Variants in DLG2 observed in about 807,000 individuals in gnomAD.
DLG2 encodes disks large homolog 2.
A neutral mutation model predicts 132.5 loss-of-function variants in DLG2; 45 were observed. The ratio of observed to expected loss-of-function variants is 0.34; its 90% confidence interval spans 0.27 to 0.44. DLG2 has a LOEUF of 0.44. Ranked by LOEUF, DLG2 falls within the 20% of genes least tolerant of loss-of-function variation. DLG2 has a pLI of 1.00. For synonymous variants in DLG2, 424 were observed against 419.6 expected (o/e 1.01, Z -0.13); for missense variants, 1,045 against 1,196.9 (o/e 0.87, Z 1.87).
chr11:84,030,633 T>A (rs1478305803), intron 11 of DLG2, among the ~76,000 whole-genome samples: 1 of 152,052 alleles, frequency 6.6e-6, no homozygotes, highest in Non-Finnish European at 1.5e-5. Flanking sequence ...GAGAAAGGGG[T>A]TCAATGGGTT....
intron 17 of DLG2, among the ~76,000 whole-genome samples, chr11:83,805,854 C>T (rs1021644218): frequency 6.6e-6 from 1 of 152,086 alleles, no homozygotes; most frequent in Non-Finnish European, 1.5e-5. Context: ...CTGTCTAGTC[C>T]TCCCATATCA....
At chr11:85,476,358 G>GC (rs2093141893) in intron 3 of DLG2, among the ~76,000 whole-genome samples, 1 of 60,438 alleles carries the variant, frequency 1.7e-5, no homozygotes, top group Non-Finnish European at 6.0e-5. Context: ...TAAATGTGAA[G>GC]GCCTAAGACA....
intron 9 of DLG2, among the ~76,000 whole-genome samples, chr11:84,103,525 G>C (rs957949411): frequency 2.0e-5 from 3 of 152,126 alleles, no homozygotes; most frequent in African/African-American, 7.2e-5. Context: ...AAAGGATTCT[G>C]GGTGGGCTGC....
chr11:85,293,915 A>T (rs1565281300), intron 3 of DLG2, among the ~76,000 whole-genome samples: 1 of 152,120 alleles, frequency 6.6e-6, no homozygotes, highest in African/African-American at 2.4e-5. Context: ...ACTATTCTCA[A>T]ATGAGTGAAT....
At chr11:83,741,052 A>C (rs73511009) in intron 18 of DLG2, among the ~76,000 whole-genome samples, 2,382 of 152,306 alleles carry the variant, frequency 0.016, 70 homozygotes, top group African/African-American at 0.055. Context: ...GCAAAAAAAC[A>C]TATGATCATC....
intron 18 of DLG2, among the ~76,000 whole-genome samples, chr11:83,726,916 C>G (rs12797204): frequency 6.6e-6 from 1 of 152,102 alleles, no homozygotes; most frequent in Non-Finnish European, 1.5e-5. Flanking sequence ...CCCACAAATG[C>G]CTGTTGCATC....
At chr11:84,028,620 T>C (rs1371307356) in intron 11 of DLG2, among the ~76,000 whole-genome samples, 1 of 152,092 alleles carries the variant, frequency 6.6e-6, no homozygotes, top group East Asian at 1.9e-4. Flanking sequence ...CTTGAAGCCA[T>C]ATAATTTAAA....
chr11:83,707,596 G>C (rs1368444717), intron 18 of DLG2, among the ~76,000 whole-genome samples: 1 of 152,188 alleles, frequency 6.6e-6, no homozygotes, highest in Non-Finnish European at 1.5e-5. Flanking sequence ...GTTTGAACCT[G>C]GGAGGCAGAG....
At chr11:84,313,567 GAGA>G (rs2098316972) in intron 7 of DLG2, among the ~76,000 whole-genome samples, 7 of 100,594 alleles carry the variant, frequency 7.0e-5, no homozygotes, top group Admixed American at 5.9e-4. Context: ...GGAGGGAGGA[GAGA>G]GAGAGAGAGA....
intron 17 of DLG2, 41 bp from the exon 18 acceptor site, chr11:83,786,833 G>C: frequency 6.3e-7 from 1 of 1,578,918 alleles, no homozygotes; most frequent in Non-Finnish European, 8.7e-7. Flanking sequence ...ATTTCATAAG[G>C]CATATTATCC....
chr11:84,374,259 A>G (rs1162673683), intron 7 of DLG2, among the ~76,000 whole-genome samples: 2 of 152,166 alleles, frequency 1.3e-5, no homozygotes, highest in East Asian at 1.9e-4. Context: ...TCCTAACTCA[A>G]TGCCACAGTA....
At chr11:85,285,831 G>A (rs1261335167) in intron 3 of DLG2, among the ~76,000 whole-genome samples, 2 of 151,870 alleles carry the variant, frequency 1.3e-5, no homozygotes, top group Non-Finnish European at 2.9e-5. Context: ...GAAAGAGAAG[G>A]AGGTTTGACT....
chr11:84,652,890 G>A (rs984006062), intron 6 of DLG2, among the ~76,000 whole-genome samples: 4 of 151,406 alleles, frequency 2.6e-5, no homozygotes, highest in Non-Finnish European at 5.9e-5. Context: ...TCACAAGATA[G>A]TGCAGGACAA....
intron 5 of DLG2, among the ~76,000 whole-genome samples, chr11:85,115,665 A>G (rs2073460497): frequency 6.6e-6 from 1 of 151,958 alleles, no homozygotes; most frequent in Non-Finnish European, 1.5e-5. Flanking sequence ...GTCTTTTTGA[A>G]GAGACACTTC....
intron 8 of DLG2, among the ~76,000 whole-genome samples, chr11:84,237,166 G>A (rs1598109959): frequency 6.6e-6 from 1 of 152,108 alleles, no homozygotes; most frequent in Non-Finnish European, 1.5e-5. Flanking sequence ...CTGACCTCGT[G>A]ATTCGCCTGC....
At chr11:85,414,570 G>T (rs371449303) in intron 3 of DLG2, among the ~76,000 whole-genome samples, 1 of 151,934 alleles carries the variant, frequency 6.6e-6, no homozygotes, top group East Asian at 1.9e-4. Flanking sequence ...TGTATATTCT[G>T]CGGTTTTTGG....
intron 16 of DLG2, among the ~76,000 whole-genome samples, chr11:83,845,800 A>G (rs913505049): frequency 6.6e-6 from 1 of 152,220 alleles, no homozygotes; most frequent in Non-Finnish European, 1.5e-5. Flanking sequence ...AATCCTACCA[A>G]TAAATACTTG....
intron 7 of DLG2, among the ~76,000 whole-genome samples, chr11:84,468,878 T>C (rs1010991027): frequency 1.3e-5 from 2 of 151,588 alleles, no homozygotes; most frequent in Non-Finnish European, 3.0e-5. Flanking sequence ...CATTTTGCTC[T>C]AGAGCAGGGA....
intron 4 of DLG2, among the ~76,000 whole-genome samples, chr11:85,262,363 G>T (rs554594719): frequency 1.3e-5 from 2 of 152,246 alleles, no homozygotes; most frequent in African/African-American, 4.8e-5. Context: ...CAAGAGTTTT[G>T]CCTAGGCCTT....
Sources: allele counts gnomAD v4.1 joint callset (sites outside exome capture counted in the v4.1 genomes callset), GRCh38; gene constraint gnomAD v4.1.1; transcripts MANE v1.5; gene names NCBI Gene and HGNC (gene_info 2026-07-23, HGNC 2026-07-21).